The following FMN2 variants were observed in gnomAD, a reference collection of about 807,000 sequenced individuals.
FMN2 encodes formin-2.
In FMN2, 51 loss-of-function variants were observed where a neutral mutation model predicts 142.3. That is an observed-to-expected ratio of 0.36 (90% CI 0.29 to 0.45). The LOEUF is 0.45. Ranked by LOEUF, FMN2 falls within the 20% of genes least tolerant of loss-of-function variation. The pLI, the probability that FMN2 is intolerant of heterozygous loss-of-function variation, is 1.00. For synonymous variants in FMN2, 882 were observed against 869.8 expected (o/e 1.01, Z -0.25); for missense variants, 1,936 against 2,122.8 (o/e 0.91, Z 1.73).
chr1:240,092,807 C>G lies in FMN2; in HGVS notation c.698C>G (p.Ala233Gly). ...QQQLQGAEEP[A>G]APPTAVSPQP... ...CAGCTCCAGGGCGCCGAGGAGCCTG[C>G]AGCGCCCCCCACTGCCGTCTCCCCT... The change falls in exon 1 of 18, where the codon GCA becomes GGA. Residue 233 changes from alanine to glycine, a missense_variant. This residue lies in a region of FMN2 where 751 missense variants were observed against 791.8 expected (regional missense o/e 0.95). Coordinates refer to ENST00000319653, the MANE Select transcript of FMN2 (RefSeq NM_020066.5). 1 of 1,582,698 alleles carries G rather than the reference C, an allele frequency of 6.3e-7. No homozygotes were observed.
At chr1:240,451,442 G>C (rs1371981606) in intron 16 of FMN2, among the ~76,000 whole-genome samples, 3 of 152,014 alleles carry the variant, frequency 2.0e-5, no homozygotes, top group African/African-American at 7.3e-5. Context: ...GAGCAGAATA[G>C]AACCAGCGTC....
At chr1:240,353,624 C>T (rs1007925047) in intron 13 of FMN2, among the ~76,000 whole-genome samples, 1 of 152,154 alleles carries the variant, frequency 6.6e-6, no homozygotes, top group South Asian at 2.1e-4. Context: ...TATTGAATCC[C>T]ACCTCCTCAA....
intron 6 of FMN2, among the ~76,000 whole-genome samples, chr1:240,234,557 T>C (rs1481789977): frequency 6.6e-6 from 1 of 152,174 alleles, no homozygotes; most frequent in Admixed American, 6.5e-5. Context: ...GAGACATATA[T>C]CTTGCTTGCC....
At chr1:240,170,369 A>G in intron 2 of FMN2, 2 of 1,186,184 alleles carry the variant, frequency 1.7e-6, no homozygotes, top group South Asian at 1.2e-5. Flanking sequence ...ATCTTGGGAC[A>G]TGAAGGTGCT....
At chr1:240,098,063 A>ACTCTGATT (rs1295383693) in intron 1 of FMN2, among the ~76,000 whole-genome samples, 2 of 142,768 alleles carry the variant, frequency 1.4e-5, no homozygotes, top group Non-Finnish European at 3.0e-5. Flanking sequence ...GGATTGTGCA[A>ACTCTGATT]CTCTGATTTT....
At chr1:240,172,776 A>G (rs947846518) in intron 2 of FMN2, among the ~76,000 whole-genome samples, 3 of 152,162 alleles carry the variant, frequency 2.0e-5, no homozygotes, top group African/African-American at 7.2e-5. Context: ...TTTCCATATG[A>G]TACCCACAAA....
At chr1:240,324,926 A>T (rs770360530) in intron 8 of FMN2, among the ~76,000 whole-genome samples, 9 of 152,136 alleles carry the variant, frequency 5.9e-5, no homozygotes, top group Non-Finnish European at 1.0e-4. Context: ...GAATTCTAAG[A>T]TGCGTCAAAA....
At chr1:240,366,268 A>G (rs10926233) in intron 14 of FMN2, among the ~76,000 whole-genome samples, 3,938 of 152,206 alleles carry the variant, frequency 0.026, 166 homozygotes, top group African/African-American at 0.09. Flanking sequence ...CCCCTTCAGA[A>G]ACAACCACTA....
chr1:240,314,230 C>T (rs540989366), intron 8 of FMN2, among the ~76,000 whole-genome samples: 1 of 151,852 alleles, frequency 6.6e-6, no homozygotes, highest in South Asian at 2.1e-4. Context: ...TAAGTACCAA[C>T]CTTAAAAAAG....
At chr1:240,226,923 A>T (rs763193563) in intron 6 of FMN2, among the ~76,000 whole-genome samples, 10 of 152,106 alleles carry the variant, frequency 6.6e-5, no homozygotes, top group Admixed American at 6.6e-4. Flanking sequence ...TGAAGACTGG[A>T]TGTTTTTCAG....
rs186753421 is a variant in FMN2 at position 240,244,628 on chromosome 1, A to G, written c.4066-13317A>G. On this transcript the variant is annotated intron_variant, in intron 6 of 17. Transcript: ENST00000319653. Reference sequence around the variant, plus strand: ...TCTTGCAGTTCTTGAATTTAATAGTAGAATCACAGTTCAACCATTATTCAA... The same window carrying G: ...TCTTGCAGTTCTTGAATTTAATAGTGGAATCACAGTTCAACCATTATTCAA... Among the ~76,000 whole-genome samples, 333 of 152,358 alleles carry G rather than the reference A, an allele frequency of 2.2e-3. 1 individual carries two copies. Among genetic ancestry groups the G allele is most frequent in the Non-Finnish European group, 3.7e-3 (251 of 68,034 alleles).
chr1:240,208,758 G>GCA (rs756738558), intron 5 of FMN2, 26 bp downstream of exon 5: 1 of 1,587,142 alleles, frequency 6.3e-7, no homozygotes, highest in Admixed American at 1.7e-5. Flanking sequence ...GCTCGTCTTT[G>GCA]CACAGTGTGT....
At position 240,180,150 on chromosome 1, in the gene FMN2, T is replaced by A. The variant is rs1486970192; in HGVS notation, c.1930+2082T>A. The stretch of plus-strand genomic sequence containing the variant: ...TTAATGAAATAACTTGTCTCCTTTT[T>A]AAAAATGCATTCTTGAAGAGGATGA... On this transcript the variant is annotated intron_variant, in intron 3 of 17. Transcript: ENST00000319653. 1.3e-5 allele frequency: 17 copies of A among 1,278,460 alleles called. No individual in the cohort carries two copies. The African/African-American group carries it at 1.7e-4, about 13-fold the overall frequency. The allele number at this position is 1,278,460 out of a possible 1,614,324, so 79.2% of individuals were successfully genotyped here. A position where few individuals can be genotyped will look rare whatever the true frequency, so the allele number is the denominator to read the frequency against.
At chr1:240,170,881 A>G (rs1185679914) in intron 2 of FMN2, 1 of 801,296 alleles carries the variant, frequency 1.2e-6, no homozygotes, top group Non-Finnish European at 2.3e-6. Context: ...GTTTGGAGCC[A>G]CTGAATGTAT....
In FMN2 at chr1:240,386,743, G is replaced by T. The variant is rs938908243; in HGVS notation, c.4859-5768G>T. Among the ~76,000 whole-genome samples the T allele has an allele frequency of 2.0e-5, 3 of 152,272 alleles. No homozygotes were observed. The South Asian group carries it at 6.2e-4, about 32-fold the overall frequency. ...AGATATCACCAAATGCAAAAATGCT[G>T]TAACAGAACCATTAAATCACTATTT... On this transcript the variant is annotated intron_variant, in intron 14 of 17. Coordinates refer to ENST00000319653, the MANE Select transcript of FMN2 (RefSeq NM_020066.5).
intron 1 of FMN2, among the ~76,000 whole-genome samples, chr1:240,115,071 G>A (rs1343603558): frequency 1.3e-5 from 2 of 152,130 alleles, no homozygotes; most frequent in Non-Finnish European, 2.9e-5. Context: ...CAGCATAAAT[G>A]CCTCATTATT....
At position 240,205,785 on chromosome 1, in the gene FMN2, G is replaced by GT. The variant is rs532877974; in HGVS notation, c.1987-1004dup. Reference sequence around the variant, plus strand: ...CAATGCCCTTCTTTCTACTCAAAACGTTTTTTTTTTCTTGAAGGGTTCCTG... The same window carrying GT: ...CAATGCCCTTCTTTCTACTCAAAACGTTTTTTTTTTTCTTGAAGGGTTCCTG... On this transcript the variant is annotated intron_variant, in intron 4 of 17. Transcript: ENST00000319653. Among the ~76,000 whole-genome samples, 445 of 145,230 alleles carry GT rather than the reference G, an allele frequency of 3.1e-3. 3 individuals are homozygous for GT. Among genetic ancestry groups the GT allele is most frequent in the South Asian group, 0.023 (103 of 4,512 alleles).
At chr1:240,181,326 G>A (rs72764352) in intron 3 of FMN2, among the ~76,000 whole-genome samples, 12,279 of 152,102 alleles carry the variant, frequency 0.081, 555 homozygotes, top group African/African-American at 0.12. Context: ...CTTAAAATTG[G>A]TTACCCAATT....
chr1:240,156,283 C>T (rs1282944080), intron 2 of FMN2, among the ~76,000 whole-genome samples: 1 of 152,138 alleles, frequency 6.6e-6, no homozygotes, highest in African/African-American at 2.4e-5. Context: ...TCATTGAAAA[C>T]AGCCTCATGC....
Sources: gnomAD v4.1 joint callset for allele counts (sites outside exome capture counted in the v4.1 genomes callset) on GRCh38, gnomAD v4.1.1 for gene constraint, gnomAD v4.1.1 regional missense constraint, MANE v1.5 for transcripts, NCBI Gene and HGNC (gene_info 2026-07-23, HGNC 2026-07-21) for gene names.